The following ATOSA variants were observed in gnomAD, a reference collection of about 807,000 sequenced individuals.
The protein encoded by ATOSA is atos homolog A.
the ATOSA span, among the ~76,000 whole-genome samples, chr15:52,594,762 C>T: frequency 6.6e-5 from 10 of 152,182 alleles, no homozygotes; most frequent in African/African-American, 2.4e-4. Context: ...ATCCTCATAA[C>T]CTCTCCTCTG....
chr15:52,656,649 A>T, the ATOSA span: 1 of 152,106 alleles, frequency 6.6e-6, no homozygotes, highest in Admixed American at 6.6e-5. Flanking sequence ...GGCATCATTC[A>T]TACTACATTG....
chr15:52,658,801 C>CAAAAAAAAAAAAAA, the ATOSA span: 5 of 263,606 alleles, frequency 1.9e-5, no homozygotes, highest in African/African-American at 4.4e-5. Flanking sequence ...CTCGTTTCTA[C>CAAAAAAAAAAAAAA]AAAAAAAAAA....
At chr15:52,614,772 C>T in the ATOSA span, among the ~76,000 whole-genome samples, 3 of 151,886 alleles carry the variant, frequency 2.0e-5, no homozygotes, top group South Asian at 2.1e-4. Context: ...CTCTTGAACA[C>T]GGGAGATGGA....
At chr15:52,659,666 G>T in the ATOSA span, among the ~76,000 whole-genome samples, 1 of 152,042 alleles carries the variant, frequency 6.6e-6, no homozygotes, top group African/African-American at 2.4e-5. Flanking sequence ...CTATATTTAA[G>T]CTATCTAAGT....
the ATOSA span, among the ~76,000 whole-genome samples, chr15:52,644,150 T>C: frequency 6.6e-6 from 1 of 152,018 alleles, no homozygotes; most frequent in Non-Finnish European, 1.5e-5. Context: ...TTTGAACTCC[T>C]GGCCTCAAGC....
chr15:52,640,338 C>T, the ATOSA span, among the ~76,000 whole-genome samples: 1 of 151,644 alleles, frequency 6.6e-6, no homozygotes, highest in African/African-American at 2.4e-5. Context: ...AATCCCAGCA[C>T]TTTGGTAGGC....
the ATOSA span, among the ~76,000 whole-genome samples, chr15:52,707,586 T>C: frequency 6.6e-6 from 1 of 152,218 alleles, no homozygotes; most frequent in East Asian, 1.9e-4. Context: ...GAGAAAAGTA[T>C]TACTGTTCGG....
chr15:52,626,950 T>C, the ATOSA span, among the ~76,000 whole-genome samples: 1 of 152,204 alleles, frequency 6.6e-6, no homozygotes, highest in African/African-American at 2.4e-5. Context: ...CATGTTGGTA[T>C]CTAATTCCCA....
the ATOSA span, among the ~76,000 whole-genome samples, chr15:52,676,544 TTA>T: frequency 6.6e-6 from 1 of 152,282 alleles, no homozygotes; most frequent in Admixed American, 6.5e-5. Context: ...GTCTAAAGGT[TTA>T]TGTTATTATT....
chr15:52,627,492 G>A, the ATOSA span, among the ~76,000 whole-genome samples: 2 of 151,996 alleles, frequency 1.3e-5, no homozygotes, highest in Non-Finnish European at 2.9e-5. Context: ...ATGAAAGCAG[G>A]CATAAAAGTG....
the ATOSA span, among the ~76,000 whole-genome samples, chr15:52,639,957 A>T: frequency 6.7e-6 from 1 of 149,598 alleles, no homozygotes; most frequent in East Asian, 2.0e-4. Context: ...ACGGGGTTTC[A>T]CCATGTTGGC....
At chr15:52,643,009 T>C in the ATOSA span, among the ~76,000 whole-genome samples, 2 of 151,974 alleles carry the variant, frequency 1.3e-5, no homozygotes, top group African/African-American at 4.8e-5. Flanking sequence ...CACTCCCTTT[T>C]ATGCTCCCAT....
chr15:52,674,009 T>C, the ATOSA span, among the ~76,000 whole-genome samples: 2 of 152,216 alleles, frequency 1.3e-5, no homozygotes, highest in African/African-American at 4.8e-5. Flanking sequence ...TTTGCACTAC[T>C]AGTTTTAACT....
At chr15:52,702,680 G>A in the ATOSA span, among the ~76,000 whole-genome samples, 2 of 147,470 alleles carry the variant, frequency 1.4e-5, no homozygotes, top group East Asian at 4.0e-4. Context: ...TGGATGACAG[G>A]ATCAACTGTA....
the ATOSA span, among the ~76,000 whole-genome samples, chr15:52,606,044 G>A: frequency 6.6e-6 from 1 of 152,048 alleles, no homozygotes; most frequent in Admixed American, 6.6e-5. Flanking sequence ...TTATTGTACT[G>A]TACTCACCTA....
the ATOSA span, among the ~76,000 whole-genome samples, chr15:52,662,564 A>T: frequency 6.6e-6 from 1 of 152,118 alleles, no homozygotes; most frequent in Non-Finnish European, 1.5e-5. Flanking sequence ...AGGTCAGGAG[A>T]TCGAGACCAT....
the ATOSA span, among the ~76,000 whole-genome samples, chr15:52,583,863 G>T: frequency 6.6e-6 from 1 of 152,074 alleles, no homozygotes; most frequent in African/African-American, 2.4e-5. Flanking sequence ...TGAGATGAAA[G>T]AACTAATTAA....
At chr15:52,639,941 G>T in the ATOSA span, among the ~76,000 whole-genome samples, 2 of 150,692 alleles carry the variant, frequency 1.3e-5, no homozygotes, top group East Asian at 3.9e-4. Context: ...GGTATTTTTA[G>T]TAGAGACGGG....
At chr15:52,631,590 C>CAT in the ATOSA span, among the ~76,000 whole-genome samples, 14 of 151,908 alleles carry the variant, frequency 9.2e-5, no homozygotes, top group African/African-American at 2.7e-4. Context: ...ATTAGTTTGC[C>CAT]ATATATATAT....
Sources: gnomAD v4.1 joint callset for allele counts (sites outside exome capture counted in the v4.1 genomes callset) on GRCh38, gnomAD v4.1.1 for gene constraint, MANE v1.5 for transcripts, NCBI Gene and HGNC (gene_info 2026-07-23, HGNC 2026-07-21) for gene names.